The following STARD9 variants were observed in gnomAD, a reference collection of about 807,000 sequenced individuals.
The protein encoded by STARD9 is StAR related lipid transfer domain containing 9.
In STARD9, 346 loss-of-function variants were observed where a neutral mutation model predicts 399.8. The observed-to-expected ratio is 0.87, with a 90% CI of 0.79 to 0.95. STARD9 has a LOEUF of 0.95. Ranked by LOEUF, STARD9 falls within the 40% of genes least tolerant of loss-of-function variation. The pLI is 0.00. For missense variants in STARD9, 5,832 were observed against 5,667.5 expected (o/e 1.03, Z -0.93); for synonymous variants, 2,203 against 2,143.5 (o/e 1.03, Z -0.77).
chr15:42,707,546 T>G (rs1168838664), intron 26 of STARD9, among the ~76,000 whole-genome samples: 1 of 148,414 alleles, frequency 6.7e-6, no homozygotes, highest in Non-Finnish European at 1.5e-5. Flanking sequence ...CTCGGCTCAC[T>G]CCAGCCTCCG....
rs1555405789 is a variant in STARD9 at position 42,689,800 on chromosome 15, T to A, written c.8222T>A (p.Val2741Glu). The A allele has an allele frequency of 4.6e-6, 7 of 1,537,256 alleles. No individual in the cohort carries two copies. Among genetic ancestry groups the A allele is most frequent in the Middle Eastern group, 1.7e-4 (1 of 5,990 alleles). Reference protein sequence around the residue: ...EVRRVVSKKVVAALPSQAPYD... With the variant: ...EVRRVVSKKVEAALPSQAPYD... The stretch of plus-strand genomic sequence containing the variant: ...AGGAGGGTAGTATCAAAGAAGGTAG[T>A]GGCTGCCTTACCTTCTCAGGCCCCT... The change falls in exon 23 of 33, where the codon GTG becomes GAG. Residue 2741 changes from valine (V) to glutamate (E), a missense_variant. Physicochemically the swap from Val to Glu is moderately radical, Grantham distance 121. Coordinates refer to ENST00000290607, the MANE Select transcript of STARD9 (RefSeq NM_020759.3).
chr15:42,696,297 T>A (rs2060845634), intron 26 of STARD9, among the ~76,000 whole-genome samples: 1 of 152,210 alleles, frequency 6.6e-6, no homozygotes, highest in Non-Finnish European at 1.5e-5. Context: ...GTGTTTAAAC[T>A]GAGACTAAAA....
intron 3 of STARD9, among the ~76,000 whole-genome samples, chr15:42,604,534 G>A (rs1450385977): frequency 6.6e-6 from 1 of 151,122 alleles, no homozygotes; most frequent in Non-Finnish European, 1.5e-5. Flanking sequence ...TTTAACCAAG[G>A]ATTTGAAAAA....
At position 42,681,511 on chromosome 15, in the gene STARD9, G is replaced by A. The variant is rs902198441; in HGVS notation, c.1964G>A (p.Ser655Asn). The A allele has an allele frequency of 9.8e-6, 15 of 1,537,076 alleles. No individual in the cohort carries two copies. Among genetic ancestry groups the A allele is most frequent in the Non-Finnish European group, 1.0e-5 (12 of 1,146,892 alleles). Reference sequence around the variant, plus strand: ...AGGGCCCAGATTCAGCAGCAGCAGAGCTACGTAGAGGATTTGAGGCATCAA... The same window carrying A: ...AGGGCCCAGATTCAGCAGCAGCAGAACTACGTAGAGGATTTGAGGCATCAA... ...SHRAQIQQQQ[S>N]YVEDLRHQIL... The change falls in exon 21 of 33, where the codon AGC becomes AAC. Residue 655 changes from serine to asparagine, a missense_variant. Ser to Asn is a conservative substitution (Grantham distance 46). Coordinates refer to ENST00000290607, the MANE Select transcript of STARD9 (RefSeq NM_020759.3).
chr15:42,694,837 A>T, intron 24 of STARD9, 112 bp downstream of exon 24: 1 of 764,452 alleles, frequency 1.3e-6, no homozygotes, highest in East Asian at 2.7e-5. Context: ...GAGACAGGGT[A>T]AATGGAAAGA....
chr15:42,717,124 GA>G, intron 28 of STARD9, 76 bp downstream of exon 28: 1 of 1,491,728 alleles, frequency 6.7e-7, no homozygotes, highest in Non-Finnish European at 9.0e-7. Context: ...GAGAAAGTAG[GA>G]AAAAAGCTGG....
chr15:42,696,613 GA>G (rs1184298947), intron 26 of STARD9, among the ~76,000 whole-genome samples: 1 of 152,198 alleles, frequency 6.6e-6, no homozygotes, highest in Admixed American at 6.5e-5. Context: ...GTAAGAAAAG[GA>G]GGCAGGAGCA....
At position 42,684,495 on chromosome 15, in the gene STARD9, C is replaced by T; in HGVS notation, c.2917C>T (p.Gln973Ter). The change falls in exon 23 of 33, where the codon CAG (glutamine) becomes TAG (stop). Residue 973 changes from glutamine (Q) to a stop codon, truncating the protein, a stop_gained. Coordinates refer to ENST00000290607, the MANE Select transcript of STARD9 (RefSeq NM_020759.3). LOFTEE classifies it high-confidence loss of function. ...GCCAAAGATCTTCACCTCTACTACC[C>T]AGACCAGAGGGGCGAAGGGACTAGC... ...HEPKIFTSTT[Q>*]TRGAKGLADP... 4 of 1,537,238 alleles carry T rather than the reference C, an allele frequency of 2.6e-6. No homozygotes were observed. Among genetic ancestry groups the T allele is most frequent in the Non-Finnish European group, 3.5e-6 (4 of 1,146,892 alleles).
Position 42,577,253 on chromosome 15 carries a change from A to G in STARD9, c.47+1491A>G, listed in dbSNP as rs572298610. ...ACTGCAAGCTCCGCCTCCCGGGTTC[A>G]CGCCATTCTCCTGCCTCAGCCTCCC... On this transcript the variant is annotated intron_variant, in intron 1 of 32. Coordinates refer to ENST00000290607, the MANE Select transcript of STARD9 (RefSeq NM_020759.3). Among the ~76,000 whole-genome samples, 299 of 151,772 alleles carry G rather than the reference A, an allele frequency of 2.0e-3. 4 individuals carry two copies. The highest frequency in any genetic ancestry group is 4.1e-4 in the Non-Finnish European group (28 of 67,944).
At position 42,687,299 on chromosome 15, in the gene STARD9, TCTC is replaced by T. The variant is rs2060583226; in HGVS notation, c.5725_5727del (p.Leu1909del). The T allele has an allele frequency of 1.3e-6, 2 of 1,536,798 alleles. No individual in the cohort carries two copies. Among genetic ancestry groups the T allele is most frequent in the Non-Finnish European group, 1.7e-6 (2 of 1,146,922 alleles). ...CAGACAGCACTGAGTCTGGGAAGTC[TCTC>T]CTCTTTCGTGAATCTGAGGCACGAG... On this transcript the variant is annotated inframe_deletion, in exon 23 of 33. Coordinates refer to ENST00000290607, the MANE Select transcript of STARD9 (RefSeq NM_020759.3).
chr15:42,676,060 G>GGGGGGT, intron 20 of STARD9, 85 bp downstream of exon 20: 1 of 860,838 alleles, frequency 1.2e-6, no homozygotes, highest in East Asian at 3.3e-5. Flanking sequence ...TGGGGGTGGG[G>GGGGGGT]GGTGATTAAT....
intron 3 of STARD9, among the ~76,000 whole-genome samples, chr15:42,595,396 C>T (rs1026863326): frequency 6.6e-6 from 1 of 152,222 alleles, no homozygotes; most frequent in African/African-American, 2.4e-5. Flanking sequence ...CTCTCGCACA[C>T]TATACCACAT....
At chr15:42,577,026 T>C (rs2058070309) in intron 1 of STARD9, among the ~76,000 whole-genome samples, 1 of 152,192 alleles carries the variant, frequency 6.6e-6, no homozygotes, top group Non-Finnish European at 1.5e-5. Flanking sequence ...GCAGATGCTA[T>C]GCTGGAGGTA....
chr15:42,631,734 AG>A (rs1235639548), intron 3 of STARD9, among the ~76,000 whole-genome samples: 2 of 152,082 alleles, frequency 1.3e-5, no homozygotes, highest in African/African-American at 2.4e-5. Flanking sequence ...TGGTAATAGA[AG>A]ATAGTTGATA....
chr15:42,675,327 C>T (rs1157328133), intron 18 of STARD9, among the ~76,000 whole-genome samples: 1 of 152,144 alleles, frequency 6.6e-6, no homozygotes, highest in Non-Finnish European at 1.5e-5. Flanking sequence ...CACTCATTAT[C>T]ATTATTACTT....
intron 24 of STARD9, among the ~76,000 whole-genome samples, 166 bp from the exon 25 acceptor site, chr15:42,694,974 C>G (rs1477655475): frequency 1.3e-5 from 2 of 152,104 alleles, no homozygotes; most frequent in Admixed American, 1.3e-4. Flanking sequence ...TTGGTTCTCT[C>G]TGTCCAGCAA....
At chr15:42,581,904 A>G (rs1290159673) in intron 1 of STARD9, among the ~76,000 whole-genome samples, 3 of 152,128 alleles carry the variant, frequency 2.0e-5, no homozygotes, top group Non-Finnish European at 2.9e-5. Context: ...TAATCCCAGC[A>G]CTTTTGGAGA....
Position 42,644,488 on chromosome 15 carries a change from G to A in STARD9, c.559+5676G>A, listed in dbSNP as rs573239574. On this transcript the variant is annotated intron_variant, in intron 7 of 32. Coordinates refer to ENST00000290607, the MANE Select transcript of STARD9 (RefSeq NM_020759.3). ...AGCCTGGGTGACAGAGTGAGACTCC[G>A]TCTAAAAAAAAAAAAAATGTACATA... Among the ~76,000 whole-genome samples the A allele has an allele frequency of 2.6e-3, 398 of 150,254 alleles. 12 individuals carry two copies. Among genetic ancestry groups the A allele is most frequent in the Non-Finnish European group, 4.9e-4 (33 of 67,698 alleles).
chr15:42,665,618 T>C (rs1399304879), intron 14 of STARD9, among the ~76,000 whole-genome samples, 168 bp from the exon 15 acceptor site: 1 of 152,212 alleles, frequency 6.6e-6, no homozygotes, highest in African/African-American at 2.4e-5. Context: ...CTTTGTATTT[T>C]CCATCTTTGT....
Sources: allele counts gnomAD v4.1 joint callset (sites outside exome capture counted in the v4.1 genomes callset), GRCh38; gene constraint gnomAD v4.1.1; transcripts MANE v1.5; gene names NCBI Gene and HGNC (gene_info 2026-07-23, HGNC 2026-07-21).